CSMD1: variants seen among roughly 807,000 people sequenced by gnomAD.
CSMD1 encodes the protein CUB and sushi domain-containing protein 1.
A neutral mutation model predicts 417.5 loss-of-function variants in CSMD1; 213 were observed. The ratio of observed to expected loss-of-function variants is 0.51; its 90% CI spans 0.46 to 0.57. The LOEUF (loss-of-function observed/expected upper bound fraction) is 0.57, where lower values mean the gene tolerates loss of function less well. Ranked by LOEUF, CSMD1 falls within the 20% of genes least tolerant of loss-of-function variation. The pLI, the probability that CSMD1 is intolerant of heterozygous loss-of-function variation, is 0.00. For missense variants in CSMD1, 6,923 were observed against 4,529.7 expected (o/e 1.53, Z -15.17); for synonymous variants, 2,862 against 1,736.8 (o/e 1.65, Z -16.11).
intron 21 of CSMD1, among the ~76,000 whole-genome samples, chr8:3,353,305 G>A (rs1405911348): frequency 6.6e-6 from 1 of 152,128 alleles, no homozygotes; most frequent in Non-Finnish European, 1.5e-5. Context: ...ACTTAATTCC[G>A]TTTTCAAATT....
At chr8:3,313,479 G>A (rs1241984298) in intron 23 of CSMD1, among the ~76,000 whole-genome samples, 4 of 152,174 alleles carry the variant, frequency 2.6e-5, no homozygotes, top group Admixed American at 2.0e-4. Flanking sequence ...CTCAAAAGAT[G>A]ACATTTATGC....
intron 3 of CSMD1, among the ~76,000 whole-genome samples, chr8:4,053,155 G>A (rs868778015): frequency 6.6e-6 from 1 of 152,152 alleles, no homozygotes; most frequent in Non-Finnish European, 1.5e-5. Flanking sequence ...TACAGTTAGT[G>A]AAATCTGAAC....
intron 3 of CSMD1, among the ~76,000 whole-genome samples, chr8:4,360,917 T>A (rs913220215): frequency 6.6e-6 from 1 of 152,200 alleles, no homozygotes; most frequent in Non-Finnish European, 1.5e-5. Flanking sequence ...AGGCTTCTGA[T>A]AGCAGGTGAA....
At chr8:4,935,070 C>A (rs1252226520) in intron 1 of CSMD1, among the ~76,000 whole-genome samples, 1 of 152,118 alleles carries the variant, frequency 6.6e-6, no homozygotes, top group African/African-American at 2.4e-5. Flanking sequence ...ACTTAAAATC[C>A]CATATCACAA....
At chr8:3,824,745 G>C (rs1801953803) in intron 5 of CSMD1, among the ~76,000 whole-genome samples, 1 of 152,114 alleles carries the variant, frequency 6.6e-6, no homozygotes, top group Non-Finnish European at 1.5e-5. Context: ...ATTAAAATGA[G>C]ATGTGGCTCA....
chr8:3,667,775 G>A (rs906158271), intron 7 of CSMD1, among the ~76,000 whole-genome samples: 1 of 152,278 alleles, frequency 6.6e-6, no homozygotes, highest in Admixed American at 6.5e-5. Context: ...GGGAGCAAGT[G>A]TCTTGCGGAA....
At chr8:3,404,088 G>A (rs981421225) in intron 15 of CSMD1, among the ~76,000 whole-genome samples, 77 of 152,214 alleles carry the variant, frequency 5.1e-4, no homozygotes, top group African/African-American at 1.8e-3. Context: ...CTATAAACAG[G>A]ACCTGGTTAG....
intron 3 of CSMD1, among the ~76,000 whole-genome samples, chr8:4,208,358 G>C (rs951787624): frequency 6.6e-6 from 1 of 152,160 alleles, no homozygotes; most frequent in African/African-American, 2.4e-5. Flanking sequence ...CCTGGAGTAA[G>C]AGGGAAGCAT....
At position 3,780,643 on chromosome 8, in the gene CSMD1, G is replaced by A. The variant is rs189210979; in HGVS notation, c.819-26601C>T. Among the ~76,000 whole-genome samples, 40 of 152,268 alleles carry A rather than the reference G, an allele frequency of 2.6e-4. No individual in the cohort carries two copies. In the East Asian group the frequency reaches 7.3e-3, roughly 28 times the overall value. On this transcript the variant is annotated intron_variant, in intron 5 of 69. Transcript: ENST00000635120. ...ACTGGGCCTGCTCCCAGCTCCTGGG[G>A]TTGTAATCAAGCCCCTCACCTGTGC... is the stretch of plus-strand genomic sequence containing the variant.
At chr8:3,190,850 G>A (rs539607514) in intron 33 of CSMD1, among the ~76,000 whole-genome samples, 1 of 152,172 alleles carries the variant, frequency 6.6e-6, no homozygotes, top group East Asian at 1.9e-4. Context: ...AGTGAAATAA[G>A]CAAATAAGCA....
At chr8:4,582,707 C>A (rs1196022374) in intron 2 of CSMD1, among the ~76,000 whole-genome samples, 5 of 152,232 alleles carry the variant, frequency 3.3e-5, no homozygotes, top group South Asian at 2.1e-4. Flanking sequence ...GCCTCCTCTG[C>A]CTGGGCTCCC....
intron 5 of CSMD1, among the ~76,000 whole-genome samples, chr8:3,851,141 G>A (rs762356204): frequency 6.6e-6 from 1 of 152,160 alleles, no homozygotes; most frequent in African/African-American, 2.4e-5. Context: ...TAAGATTTCT[G>A]AGGAGCTAAT....
rs556127335 is a variant in CSMD1, at chr8:4,600,347, G to A, written c.302+36995C>T. 2.6e-5 allele frequency among the ~76,000 whole-genome samples: 4 copies of A among 152,278 alleles called. No homozygotes were observed. The South Asian group carries it at 8.3e-4, about 32-fold the overall frequency. The stretch of plus-strand genomic sequence containing the variant: ...AAATGGAAAGTTAGTCATAGCTATA[G>A]ACTTAATAAACGGTGAAGTTTAAAG... On this transcript the variant is annotated intron_variant, in intron 2 of 69. Transcript: ENST00000635120.
intron 3 of CSMD1, among the ~76,000 whole-genome samples, chr8:4,409,302 T>C (rs1796515386): frequency 6.6e-6 from 1 of 152,204 alleles, no homozygotes. Context: ...AGTCAATATA[T>C]GTGTTTTTTC....
intron 3 of CSMD1, among the ~76,000 whole-genome samples, chr8:4,322,346 C>G (rs1474405442): frequency 6.6e-6 from 1 of 152,004 alleles, no homozygotes; most frequent in African/African-American, 2.4e-5. Flanking sequence ...AATCTGAGCA[C>G]TGGAGAGAGT....
At chr8:3,214,077 C>T (rs552421794) in intron 30 of CSMD1, among the ~76,000 whole-genome samples, 12 of 152,092 alleles carry the variant, frequency 7.9e-5, no homozygotes, top group African/African-American at 2.4e-4. Flanking sequence ...AACTCCTAAC[C>T]TCGCGATCCA....
chr8:4,256,100 T>A (rs1036213718), intron 3 of CSMD1, among the ~76,000 whole-genome samples: 5 of 152,242 alleles, frequency 3.3e-5, no homozygotes, highest in African/African-American at 1.2e-4. Context: ...AATCCCAGAC[T>A]ACTTTGCTCC....
intron 21 of CSMD1, among the ~76,000 whole-genome samples, chr8:3,357,061 G>A (rs1450797101): frequency 6.6e-6 from 1 of 152,106 alleles, no homozygotes; most frequent in African/African-American, 2.4e-5. Flanking sequence ...GGAGGGTGGG[G>A]AGGAGGAGCC....
chr8:3,249,069 G>T (rs1433325963), intron 26 of CSMD1, among the ~76,000 whole-genome samples: 1 of 152,114 alleles, frequency 6.6e-6, no homozygotes, highest in Middle Eastern at 3.2e-3. Context: ...CGTACAGTGG[G>T]TTCTCAAAAA....
Sources: allele counts gnomAD v4.1 joint callset (sites outside exome capture counted in the v4.1 genomes callset), GRCh38; gene constraint gnomAD v4.1.1; transcripts MANE v1.5; gene names NCBI Gene and HGNC (gene_info 2026-07-23, HGNC 2026-07-21).